PCDHGB3: variants seen among roughly 807,000 people sequenced by gnomAD.
PCDHGB3 encodes protocadherin gamma subfamily B, 3, also known as protocadherin gamma-B3.
PCDHGB3 carries 40 observed loss-of-function variants against 59.2 expected under a neutral mutation model. That is an observed-to-expected ratio of 0.68 (90% CI 0.52 to 0.88). The LOEUF is 0.88. Ranked by LOEUF, PCDHGB3 falls within the 40% of genes least tolerant of loss-of-function variation. The pLI is 0.00. For missense variants in PCDHGB3, 1,309 were observed against 1,187.9 expected (o/e 1.10, Z -1.50); for synonymous variants, 581 against 503.6 (o/e 1.15, Z -2.06).
chr5:141,376,948 A>T (rs1369934638), intron 1 of PCDHGB3: 1 of 164,970 alleles, frequency 6.1e-6, no homozygotes, highest in South Asian at 1.6e-4. Context: ...CGGCCTCCCA[A>T]AGTGCTGGGA....
At chr5:141,473,335 C>T (rs1243738475) in intron 1 of PCDHGB3, among the ~76,000 whole-genome samples, 3 of 152,184 alleles carry the variant, frequency 2.0e-5, no homozygotes, top group Non-Finnish European at 4.4e-5. Context: ...GCCTGCTGTG[C>T]TAGACAGTGA....
intron 1 of PCDHGB3, chr5:141,393,026 G>A (rs1215893899): frequency 1.2e-6 from 2 of 1,613,832 alleles, no homozygotes; most frequent in East Asian, 4.5e-5. Context: ...CCAGAGGTAG[G>A]ACGCAGCTCT....
intron 1 of PCDHGB3, chr5:141,399,277 G>T: frequency 6.2e-7 from 1 of 1,613,890 alleles, no homozygotes; most frequent in Non-Finnish European, 8.5e-7. Flanking sequence ...TCAATTACAA[G>T]GCGAAGTCCC....
chr5:141,417,236 A>T (rs1387216221), intron 1 of PCDHGB3: 2 of 152,220 alleles, frequency 1.3e-5, no homozygotes, highest in Admixed American at 1.3e-4. Flanking sequence ...TTTGTTGCTT[A>T]TCTTCAGTAC....
At chr5:141,451,127 CT>C (rs1264048458) in intron 1 of PCDHGB3, among the ~76,000 whole-genome samples, 1 of 152,132 alleles carries the variant, frequency 6.6e-6, no homozygotes, top group Non-Finnish European at 1.5e-5. Context: ...CACACCCAGC[CT>C]TATGATTGTA....
intron 1 of PCDHGB3, chr5:141,399,681 C>A (rs2093865042): frequency 1.2e-6 from 2 of 1,613,408 alleles, no homozygotes; most frequent in Non-Finnish European, 1.7e-6. Flanking sequence ...CCTTTGACTA[C>A]GAGCAGCTGC....
In PCDHGB3 at chr5:141,419,638, C is replaced by T. The variant is rs191182165; in HGVS notation, c.2415+46829C>T. On this transcript the variant is annotated intron_variant, in intron 1 of 3. Coordinates refer to ENST00000576222, the MANE Select transcript of PCDHGB3 (RefSeq NM_018924.5). Reference sequence around the variant, plus strand: ...GCTACCTGGTGACCAAGGTGGTGGCCGTGGACGCGGACTCGGGGCACAATG... The same window carrying T: ...GCTACCTGGTGACCAAGGTGGTGGCTGTGGACGCGGACTCGGGGCACAATG... The T allele has an allele frequency of 4.9e-3, 7,979 of 1,612,456 alleles. 44 individuals are homozygous for T. Among genetic ancestry groups the T allele is most frequent in the Admixed American group, 9.5e-3 (568 of 60,000 alleles).
Position 141,371,780 on chromosome 5 carries a change from T to C in PCDHGB3, c.1386T>C (p.Ala462=). The C allele has an allele frequency of 3.7e-6, 6 of 1,613,990 alleles. No homozygotes were observed. The highest frequency in any genetic ancestry group is 5.1e-6 in the Non-Finnish European group (6 of 1,179,886). ...AGGCCTCCTACACCGTGCATGTAGC[T>C]GAGAACAATCCGCCTGGAGCCTCCA... ...FHQASYTVHV[A]ENNPPGASIA... is the part of the protein sequence containing the mutation. Residue 462 remains alanine, a synonymous_variant, in exon 1 of 4, where the codon GCT becomes GCC. Transcript: ENST00000576222.
intron 1 of PCDHGB3, chr5:141,374,159 G>C: frequency 6.2e-7 from 1 of 1,612,288 alleles, no homozygotes. Context: ...GCTGTGGGGG[G>C]CCGCGGCAGC....
At chr5:141,443,728 C>T (rs1434984241) in intron 1 of PCDHGB3, among the ~76,000 whole-genome samples, 1 of 152,060 alleles carries the variant, frequency 6.6e-6, no homozygotes, top group Admixed American at 6.5e-5. Flanking sequence ...ATTCCTCATA[C>T]ATTTCCCTAT....
In PCDHGB3 at chr5:141,477,787, C is replaced by A; in HGVS notation, c.2416-17020C>A. The stretch of plus-strand genomic sequence containing the variant: ...CCAACATCAGCGTGAACATATTTGT[C>A]ACTGATCGCAATGACAATGCCCCCC... On this transcript the variant is annotated intron_variant, in intron 1 of 3. Transcript: ENST00000576222. The surrounding 1 kb of genome is among the most constrained non-coding windows in gnomAD (Gnocchi z 4.9). The A allele has an allele frequency of 6.2e-7, 1 of 1,614,092 alleles. No homozygotes were observed. The highest frequency in any genetic ancestry group is 8.5e-7 in the Non-Finnish European group (1 of 1,180,034).
chr5:141,394,624 T>A (rs542816387), intron 1 of PCDHGB3: 6 of 1,612,992 alleles, frequency 3.7e-6, no homozygotes, highest in Non-Finnish European at 5.1e-6. Flanking sequence ...AACGCCTGGC[T>A]GTCCTACCGC....
At chr5:141,462,539 T>G (rs2099042077) in intron 1 of PCDHGB3, among the ~76,000 whole-genome samples, 1 of 152,184 alleles carries the variant, frequency 6.6e-6, no homozygotes, top group African/African-American at 2.4e-5. Flanking sequence ...TTCAGTGATC[T>G]TTTCTTCTTC....
At chr5:141,422,758 A>G in intron 1 of PCDHGB3, 1 of 1,613,150 alleles carries the variant, frequency 6.2e-7, no homozygotes, top group Non-Finnish European at 8.5e-7. Flanking sequence ...TATTAACTCC[A>G]ACACTGGTGT....
chr5:141,423,802 C>A, intron 1 of PCDHGB3: 3 of 1,254,704 alleles, frequency 2.4e-6, no homozygotes, highest in South Asian at 2.9e-5. Context: ...TAGAGCAATA[C>A]ATGTGAGTTT....
intron 1 of PCDHGB3, chr5:141,395,506 G>T: frequency 4.6e-6 from 2 of 433,794 alleles, no homozygotes; most frequent in Non-Finnish European, 8.1e-6. Flanking sequence ...CACTTAAGAA[G>T]TAGCTACCCG....
chr5:141,421,850 C>T, intron 1 of PCDHGB3: 1 of 1,613,752 alleles, frequency 6.2e-7, no homozygotes, highest in Non-Finnish European at 8.5e-7. Context: ...AAAGAGGCTG[C>T]TCACCTGCTC....
chr5:141,474,516 T>G (rs999585038), intron 1 of PCDHGB3, among the ~76,000 whole-genome samples: 1 of 152,240 alleles, frequency 6.6e-6, no homozygotes, highest in Non-Finnish European at 1.5e-5. Context: ...GCCCTCTTGC[T>G]GGTCTGGCTA....
intron 1 of PCDHGB3, among the ~76,000 whole-genome samples, chr5:141,467,931 T>C (rs771009105): frequency 1.3e-5 from 2 of 151,966 alleles, no homozygotes; most frequent in Non-Finnish European, 2.9e-5. Flanking sequence ...AATGCTAGGA[T>C]TACAAGCATG....
Sources: gnomAD v4.1 joint callset for allele counts (sites outside exome capture counted in the v4.1 genomes callset) on GRCh38, gnomAD v4.1.1 for gene constraint, Gnocchi (gnomAD v3.1) non-coding constraint, MANE v1.5 for transcripts, NCBI Gene and HGNC (gene_info 2026-07-23, HGNC 2026-07-21) for gene names.